The following NUMA1 variants were observed in gnomAD, a reference collection of about 807,000 sequenced individuals.
NUMA1 encodes the protein SP-H antigen.
In NUMA1, 62 loss-of-function variants were observed where a neutral mutation model predicts 237.1. That is an observed-to-expected ratio of 0.26 (90% CI 0.21 to 0.32). The LOEUF (loss-of-function observed/expected upper bound fraction) is 0.32, where lower values mean the gene tolerates loss of function less well. Ranked by LOEUF, NUMA1 falls within the 10% of genes least tolerant of loss-of-function variation. NUMA1 has a pLI of 1.00. For missense variants in NUMA1, 2,533 were observed against 2,666.5 expected, an observed-to-expected ratio of 0.95 and a Z score of 1.10; for synonymous variants, 1,028 against 1,066.1, an observed-to-expected ratio of 0.96 and a Z score of 0.70.
At chr11:72,010,588 G>A (rs1162003801) in intron 17 of NUMA1, among the ~76,000 whole-genome samples, 198 bp downstream of exon 17, 1 of 152,236 alleles carries the variant, frequency 6.6e-6, no homozygotes, top group Non-Finnish European at 1.5e-5. Context: ...ACAGTTGAGA[G>A]ATGGGAACCA....
intron 2 of NUMA1, chr11:72,047,924 T>C (rs1324500052): frequency 3.3e-5 from 5 of 152,156 alleles, no homozygotes. Context: ...ACAGGGGCCA[T>C]GCTAATCTCT....
intron 20 of NUMA1, 26 bp downstream of exon 20, chr11:72,008,662 C>T (rs1299099013): frequency 5.0e-6 from 8 of 1,612,658 alleles, no homozygotes; most frequent in Admixed American, 1.7e-5. Context: ...CATAAACAGA[C>T]ATAGGGAGGA....
At chr11:72,016,346 A>C in intron 14 of NUMA1, 62 bp downstream of exon 14, 2 of 1,598,764 alleles carry the variant, frequency 1.3e-6, no homozygotes, top group South Asian at 1.1e-5. Context: ...CCAGGAACCC[A>C]AATGTACTGA....
chr11:72,033,370 T>G (rs537502368), intron 3 of NUMA1, among the ~76,000 whole-genome samples: 9 of 2,510 alleles, frequency 3.6e-3, no homozygotes, highest in East Asian at 0.027. Flanking sequence ...CTTTGTTTTT[T>G]TTTTTTTTTT....
intron 4 of NUMA1, among the ~76,000 whole-genome samples, chr11:72,028,550 G>C (rs994052599): frequency 6.7e-6 from 1 of 149,482 alleles, no homozygotes; most frequent in Non-Finnish European, 1.5e-5. Context: ...ATTCATTTCC[G>C]AGATAACTGT....
chr11:72,017,565 A>T, intron 13 of NUMA1, 122 bp downstream of exon 13: 1 of 1,182,416 alleles, frequency 8.5e-7, no homozygotes, highest in Non-Finnish European at 1.2e-6. Flanking sequence ...ATTACAGCAC[A>T]CTATTGAACC....
intron 3 of NUMA1, 129 bp downstream of exon 3, chr11:72,035,773 C>T (rs1255069227): frequency 3.5e-6 from 3 of 855,102 alleles, no homozygotes; most frequent in South Asian, 2.8e-5. Context: ...TCCATGCTGT[C>T]TAAAGGAAAA....
intron 16 of NUMA1, chr11:72,012,157 A>G: frequency 2.0e-6 from 1 of 500,760 alleles, no homozygotes; most frequent in Non-Finnish European, 3.5e-6. Context: ...CTTGTCCCTG[A>G]TAGGCAAATG....
Position 72,016,227 on chromosome 11 carries a change from C to T in NUMA1, c.1276G>A (p.Ala426Thr), listed in dbSNP as rs1388029462. The T allele has an allele frequency of 5.0e-6, 8 of 1,600,504 alleles. No individual in the cohort carries two copies. In the Admixed American group the frequency reaches 1.2e-4, roughly 23 times the overall value. ...GCTTGGAGCTGTGTGTTGTTTGCAG[C>T]AAGAGTGGCTGCCTCTTGCTTCAAG... ...ETLKQEAATL[A>T]ANNTQLQARV... Residue 426 changes from alanine (A) to threonine (T), a missense_variant, in exon 15 of 27, where the codon GCT becomes ACT. Ala to Thr is a moderately conservative substitution (Grantham distance 58). Transcript: ENST00000393695.
intron 4 of NUMA1, among the ~76,000 whole-genome samples, chr11:72,026,534 C>T (rs1293180871): frequency 6.6e-6 from 1 of 152,252 alleles, no homozygotes; most frequent in Non-Finnish European, 1.5e-5. Flanking sequence ...AGACTATTCA[C>T]GCACAGAAGA....
chr11:72,012,970 C>T lies in NUMA1; in HGVS notation c.4533G>A (p.Lys1511=). ...TARELEVMTA[K]YEGAKVKVLE... is the part of the protein sequence containing the mutation. ...GGACCTTGACCTTGGCACCCTCATA[C>T]TTGGCAGTCATCACCTCCAGCTCCC... The change falls in exon 15 of 27, where the codon AAG becomes AAA. Residue 1511 remains lysine, a synonymous_variant. Coordinates refer to ENST00000393695, the MANE Select transcript of NUMA1 (RefSeq NM_006185.4). The T allele has an allele frequency of 6.2e-7, 1 of 1,614,208 alleles. No homozygotes were observed. The highest frequency in any genetic ancestry group is 8.5e-7 in the Non-Finnish European group (1 of 1,180,030).
At chr11:72,004,917 C>A in intron 23 of NUMA1, 101 bp from the exon 24 acceptor site, 1 of 1,194,598 alleles carries the variant, frequency 8.4e-7, no homozygotes, top group Non-Finnish European at 1.1e-6. Context: ...CACTTATGGT[C>A]GGGACCCTTC....
chr11:72,010,717 G>A (rs1332851712), intron 17 of NUMA1, 69 bp downstream of exon 17: 4 of 1,500,032 alleles, frequency 2.7e-6, no homozygotes, highest in Non-Finnish European at 3.6e-6. Flanking sequence ...ACCCCCCACG[G>A]CCCCAGAGCT....
Position 72,018,257 on chromosome 11 carries a change from G to T in NUMA1, c.904C>A (p.Leu302Met). Residue 302 changes from leucine to methionine, a missense_variant, in exon 12 of 27, where the codon CTG (leucine) becomes ATG (methionine). Leu to Met is a conservative substitution (Grantham distance 15). This residue lies in a region of NUMA1 where 1,414 missense variants were observed against 1,508.1 expected (regional missense o/e 0.94). Transcript: ENST00000393695. Reference sequence around the variant, plus strand: ...TCCATCTGGCTCTTCTCTGTCTTCAGGTCCTGGCACTGCTTCAGGGTTTCA... The same window carrying T: ...TCCATCTGGCTCTTCTCTGTCTTCATGTCCTGGCACTGCTTCAGGGTTTCA... The part of the protein sequence containing the change: ...LHETLKQCQD[L>M]KTEKSQMDRK... 6.2e-7 allele frequency: 1 copy of T among 1,614,220 alleles called. No individual in the cohort carries two copies. The highest frequency in any genetic ancestry group is 8.5e-7 in the Non-Finnish European group (1 of 1,180,042).
chr11:72,061,727 G>C (rs1942956097), intron 2 of NUMA1, among the ~76,000 whole-genome samples: 1 of 151,980 alleles, frequency 6.6e-6, no homozygotes, highest in African/African-American at 2.4e-5. Context: ...CTGGGCTCAA[G>C]TAATCCTGCC....
At chr11:72,061,493 T>TC (rs1942942427) in intron 2 of NUMA1, among the ~76,000 whole-genome samples, 1 of 144,268 alleles carries the variant, frequency 6.9e-6, no homozygotes, top group African/African-American at 2.5e-5. Context: ...TTCTTTTTTT[T>TC]TTTTTTTTTT....
Position 72,013,403 on chromosome 11 carries a change from C to T in NUMA1, c.4100G>A (p.Cys1367Tyr). 1 of 1,612,678 alleles carries T rather than the reference C, an allele frequency of 6.2e-7. No homozygotes were observed. Among genetic ancestry groups the T allele is most frequent in the African/African-American group, 1.3e-5 (1 of 75,076 alleles). Residue 1367 changes from cysteine to tyrosine, a missense_variant, in exon 15 of 27, where the codon TGC becomes TAC. This residue lies in a region of NUMA1 where 324 missense variants were observed against 407.6 expected (regional missense o/e 0.79). Transcript: ENST00000393695. The surrounding 1 kb of genome is among the most constrained non-coding windows in gnomAD (Gnocchi z 6.8). ...GGCCTGCTCGGCCTGCAGCTGCTGG[C>T]AGAGGTGCTTAGCTGGCAGCAGCTC... ...VSELLPAKHL[C>Y]QQLQAEQAAA...
chr11:72,019,451 G>T, intron 9 of NUMA1, 43 bp downstream of exon 9: 1 of 1,604,056 alleles, frequency 6.2e-7, no homozygotes, highest in South Asian at 1.1e-5. Flanking sequence ...AGGAATGGAT[G>T]GATGCTGAGG....
chr11:72,038,751 T>G (rs1245816108), intron 2 of NUMA1, among the ~76,000 whole-genome samples: 2 of 152,024 alleles, frequency 1.3e-5, no homozygotes, highest in East Asian at 3.9e-4. Context: ...AAGGATCTGC[T>G]GAGATCCACC....
Sources: gnomAD v4.1 joint callset for allele counts (sites outside exome capture counted in the v4.1 genomes callset) on GRCh38, gnomAD v4.1.1 for gene constraint, gnomAD v4.1.1 regional missense constraint, Gnocchi (gnomAD v3.1) non-coding constraint, MANE v1.5 for transcripts, NCBI Gene and HGNC (gene_info 2026-07-23, HGNC 2026-07-21) for gene names.